WDR3: variants seen among roughly 807,000 people sequenced by gnomAD.
The protein encoded by WDR3 is WD repeat-containing protein 3.
WDR3 carries 81 observed loss-of-function variants against 123.7 expected under a neutral mutation model. The observed-to-expected ratio is 0.65, with a 90% CI of 0.55 to 0.79. The LOEUF (loss-of-function observed/expected upper bound fraction) is 0.79, where lower values mean the gene tolerates loss of function less well. WDR3 is among the 30% of genes least tolerant of loss of function. The pLI is 0.00. For synonymous variants in WDR3, 390 were observed against 388.8 expected (o/e 1.00, Z -0.04); for missense variants, 1,027 against 1,123.2 (o/e 0.91, Z 1.22).
chr1:117,953,971 GTTGTGATGAC>G, intron 21 of WDR3, 26 bp from the exon 22 acceptor site: 7 of 1,560,732 alleles, frequency 4.5e-6, no homozygotes, highest in Non-Finnish European at 6.1e-6. Flanking sequence ...GATGGAGTAT[GTTGTGATGAC>G]TTCTTTCCTT....
At position 117,955,335 on chromosome 1, in the gene WDR3, GA is replaced by G; in HGVS notation, c.2431del (p.Ile811PhefsTer66). 3 of 1,612,306 alleles carry G rather than the reference GA, an allele frequency of 1.9e-6. No homozygotes were observed. The highest frequency in any genetic ancestry group is 2.5e-6 in the Non-Finnish European group (3 of 1,178,894). On this transcript the variant is annotated frameshift_variant, in exon 24 of 27. Transcript: ENST00000349139. LOFTEE classifies it high-confidence loss of function. ...SISPSAYVLE[I>X]FKGIKSSELE... ...TATAGCCTTCAGCTTATGTATTAGA[GA>G]TTTTTAAAGGGATCAAGTCGAGGTG...
intron 1 of WDR3, among the ~76,000 whole-genome samples, chr1:117,931,453 A>G (rs1650731884): frequency 6.6e-6 from 1 of 152,226 alleles, no homozygotes; most frequent in Admixed American, 6.5e-5. Context: ...AGCTGGGAAA[A>G]TTGTGTCTTA....
At position 117,957,038 on chromosome 1, in the gene WDR3, G is replaced by T. The variant is rs1402826271; in HGVS notation, c.2454-30G>T. 7.2e-6 allele frequency: 11 copies of T among 1,529,152 alleles called. No homozygotes were observed. In the South Asian group the frequency reaches 1.4e-4, roughly 20 times the overall value. The allele number at this position is 1,529,152 out of a possible 1,614,324, so 94.7% of individuals were successfully genotyped here. On this transcript the variant is annotated intron_variant, in intron 24 of 26. Transcript: ENST00000349139. ...CATGTTAACAACGTTAACAAATGTG[G>T]CATTTTTATATTTATTTTTTCTTTT... is the stretch of plus-strand genomic sequence containing the variant.
chr1:117,954,590 C>T lies in WDR3; in HGVS notation c.2372C>T (p.Pro791Leu). The T allele has an allele frequency of 6.2e-7, 1 of 1,612,438 alleles. No homozygotes were observed. The highest frequency in any genetic ancestry group is 8.5e-7 in the Non-Finnish European group (1 of 1,179,082). ...CKAAGKEVPL[P>L]SNPILMAYGS... ...ATAATTTCTTCATAGGTTCCACTTC[C>T]CAGCAACCCCATCCTAATGGCTTAT... Residue 791 changes from proline (P) to leucine (L), a missense_variant, in exon 23 of 27, where the codon CCC becomes CTC. By Grantham distance (98) the Pro-to-Leu change is moderately conservative (BLOSUM62 -3). Coordinates refer to ENST00000349139, the MANE Select transcript of WDR3 (RefSeq NM_006784.3).
chr1:117,940,940 T>C lies in WDR3; in HGVS notation c.789T>C (p.Asp263=), dbSNP rs1407732056. 26 of 1,605,460 alleles carry C rather than the reference T, an allele frequency of 1.6e-5. No individual in the cohort carries two copies. The highest frequency in any genetic ancestry group is 2.0e-5 in the Non-Finnish European group (24 of 1,177,722). Residue 263 remains aspartate (D), a splice_region_variant and synonymous_variant, in exon 7 of 27, where the codon GAT becomes GAC. Coordinates refer to ENST00000349139, the MANE Select transcript of WDR3 (RefSeq NM_006784.3). ...TTGAGACGGATGAAGCCCCTGAGGA[T>C]GTAATTCATTTTCATTTCTTAAGTT... is the stretch of plus-strand genomic sequence containing the variant. The part of the protein sequence containing the change: ...GAFETDEAPE[D]RILSCRKAGS...
In WDR3 at chr1:117,954,068, A is replaced by G. The variant is rs1002776945; in HGVS notation, c.2330A>G (p.His777Arg). 1 of 1,612,610 alleles carries G rather than the reference A, an allele frequency of 6.2e-7. No homozygotes were observed. Among genetic ancestry groups the G allele is most frequent in the Non-Finnish European group, 8.5e-7 (1 of 1,178,908 alleles). The change falls in exon 22 of 27, where the codon CAC (histidine) becomes CGC (arginine). Residue 777 changes from histidine (H) to arginine (R), a missense_variant. Coordinates refer to ENST00000349139, the MANE Select transcript of WDR3 (RefSeq NM_006784.3). ...GAAGAAACTGCAAAAATGAAGGAACACAAAGCCATTTGTAAAGCTGCAGGG... is the reference window on the plus strand; with the variant it reads ...GAAGAAACTGCAAAAATGAAGGAACGCAAAGCCATTTGTAAAGCTGCAGGG... ...YREETAKMKE[H>R]KAICKAAGKE...
chr1:117,938,594 G>A (rs766821355), intron 5 of WDR3, 36 bp downstream of exon 5: 2 of 1,580,834 alleles, frequency 1.3e-6, no homozygotes, highest in Non-Finnish European at 1.7e-6. Context: ...GAAATAATGG[G>A]AAGGCAAAAG....
intron 10 of WDR3, 69 bp downstream of exon 10, chr1:117,942,613 C>T: frequency 7.2e-7 from 1 of 1,385,028 alleles, no homozygotes; most frequent in Non-Finnish European, 1.0e-6. Flanking sequence ...CTTTTTCATG[C>T]TATTTGTAAG....
At chr1:117,952,820 A>T in intron 19 of WDR3, 126 bp from the exon 20 acceptor site, 3 of 1,429,660 alleles carry the variant, frequency 2.1e-6, no homozygotes, top group Non-Finnish European at 1.9e-6. Flanking sequence ...TTCAGAAGCT[A>T]GGCAGAGATA....
intron 24 of WDR3, 35 bp downstream of exon 24, chr1:117,955,393 G>C: frequency 6.2e-7 from 1 of 1,600,056 alleles, no homozygotes; most frequent in Non-Finnish European, 8.6e-7. Flanking sequence ...TTTGTAATCT[G>C]TCAGCAAACA....
Position 117,954,611 on chromosome 1 carries a change from C to T in WDR3, c.2393C>T (p.Ala798Val), listed in dbSNP as rs1651892040. 1 of 1,612,452 alleles carries T rather than the reference C, an allele frequency of 6.2e-7. No homozygotes were observed. Among genetic ancestry groups the T allele is most frequent in the Non-Finnish European group, 8.5e-7 (1 of 1,179,086 alleles). The change falls in exon 23 of 27, where the codon GCT becomes GTT. Residue 798 changes from alanine to valine, a missense_variant. By Grantham distance (64) the Ala-to-Val change is moderately conservative. Coordinates refer to ENST00000349139, the MANE Select transcript of WDR3 (RefSeq NM_006784.3). ...CTTCCCAGCAACCCCATCCTAATGG[C>T]TTATGGCAGTATCTCAGTGAGTAAA... The part of the protein sequence containing the change: ...VPLPSNPILM[A>V]YGSISPSAYV...
chr1:117,955,662 CTTCTT>C (rs908017110), intron 24 of WDR3, among the ~76,000 whole-genome samples: 106 of 151,646 alleles, frequency 7.0e-4, no homozygotes, highest in African/African-American at 2.5e-3. Context: ...TATATTTTGG[CTTCTT>C]TTCTATGTAC....
intron 6 of WDR3, among the ~76,000 whole-genome samples, chr1:117,939,787 A>C (rs1018630998): frequency 6.6e-6 from 1 of 152,200 alleles, no homozygotes; most frequent in Non-Finnish European, 1.5e-5. Flanking sequence ...AGCTTCTGGT[A>C]ATACTAATGT....
At chr1:117,951,508 C>CT (rs60053262) in intron 16 of WDR3, among the ~76,000 whole-genome samples, 9 of 128,792 alleles carry the variant, frequency 7.0e-5, no homozygotes, top group Middle Eastern at 3.9e-3. Flanking sequence ...AAATGTATTT[C>CT]TTTTTTTTTT....
chr1:117,941,900 T>C, intron 9 of WDR3, 53 bp downstream of exon 9: 6 of 1,510,192 alleles, frequency 4.0e-6, no homozygotes, highest in Admixed American at 5.6e-5. Context: ...GTAGGCCCCA[T>C]GTTACTGAAA....
Position 117,958,982 on chromosome 1 carries a change from T to A in WDR3, c.2655T>A (p.Ile885=), listed in dbSNP as rs770590738. The A allele has an allele frequency of 4.3e-6, 7 of 1,613,846 alleles. No homozygotes were observed. The highest frequency in any genetic ancestry group is 1.3e-5 in the African/African-American group (1 of 74,906). Residue 885 remains isoleucine (I), a synonymous_variant, in exon 26 of 27, where the codon ATT becomes ATA. Coordinates refer to ENST00000349139, the MANE Select transcript of WDR3 (RefSeq NM_006784.3). The part of the protein sequence containing the change: ...PVIEKLRETT[I]SKVSQVRDVI... ...TAGAAAAATTAAGGGAAACAACTATTTCAAAAGTCAGCCAAGTCCGGGTAA... is the reference window on the plus strand; with the variant it reads ...TAGAAAAATTAAGGGAAACAACTATATCAAAAGTCAGCCAAGTCCGGGTAA...
At chr1:117,939,630 T>C in intron 6 of WDR3, 58 bp downstream of exon 6, 1 of 1,529,740 alleles carries the variant, frequency 6.5e-7, no homozygotes, top group Non-Finnish European at 9.1e-7. Context: ...GCACCTTGGA[T>C]TTAGAATCAG....
chr1:117,964,082 A>G lies in WDR3; in HGVS notation c.*4635A>G, dbSNP rs933044411. 3.5e-6 allele frequency: 3 copies of G among 865,820 alleles called. No homozygotes were observed. The African/African-American group carries it at 5.1e-5, about 15-fold the overall frequency. The allele number at this position is 865,820 out of a possible 1,614,324, so 53.6% of individuals were successfully genotyped here. On this transcript the variant is annotated 3_prime_UTR_variant, in exon 27 of 27. Coordinates refer to ENST00000349139, the MANE Select transcript of WDR3 (RefSeq NM_006784.3). The stretch of plus-strand genomic sequence containing the variant: ...ACTGTCTATCCAATGCAAATTCTGC[A>G]TGCTCAGGCTTGGGGGTTAGAGGAT...
In WDR3 at chr1:117,936,663, A is replaced by G. The variant is rs1650954005; in HGVS notation, c.382-106A>G. On this transcript the variant is annotated intron_variant, in intron 3 of 26. Transcript: ENST00000349139. ...TCCCCATGCTTTCCAAATTTTCTGT[A>G]AGGACTGTGTATTGCCTTTTTAATA... 3 of 803,882 alleles carry G rather than the reference A, an allele frequency of 3.7e-6. No individual in the cohort carries two copies. In the East Asian group the frequency reaches 8.1e-5, roughly 22 times the overall value. 49.8% of individuals were successfully genotyped at this position (803,882 alleles called of 1,614,324 possible).
Sources: allele counts gnomAD v4.1 joint callset (sites outside exome capture counted in the v4.1 genomes callset), GRCh38; gene constraint gnomAD v4.1.1; transcripts MANE v1.5; gene names NCBI Gene and HGNC (gene_info 2026-07-23, HGNC 2026-07-21).